The following MAGI2 variants were observed in gnomAD, a reference collection of about 807,000 sequenced individuals.
MAGI2 encodes membrane associated guanylate kinase, WW and PDZ domain containing 2, also known as membrane-associated guanylate kinase, WW and PDZ domain-containing protein 2.
A neutral mutation model predicts 133.3 loss-of-function variants in MAGI2; 35 were observed. The observed-to-expected ratio is 0.26, with a 90% CI of 0.20 to 0.35. MAGI2 has a LOEUF of 0.35. Among genes scored for constraint, MAGI2 ranks in the 10% least tolerant of loss-of-function variants. MAGI2 has a pLI of 1.00. For missense variants in MAGI2, 1,636 were observed against 1,863.4 expected (o/e 0.88, Z 2.25); for synonymous variants, 729 against 710.6 (o/e 1.03, Z -0.41).
chr7:78,399,314 A>G lies in MAGI2; in HGVS notation c.1046-30101T>C, dbSNP rs146525059. Among the ~76,000 whole-genome samples the G allele has an allele frequency of 8.8e-3, 1,341 of 152,340 alleles. 19 individuals are homozygous for G. The highest frequency in any genetic ancestry group is 0.013 in the Non-Finnish European group (903 of 68,024). On this transcript the variant is annotated intron_variant, in intron 6 of 21. Coordinates refer to ENST00000354212, the MANE Select transcript of MAGI2 (RefSeq NM_012301.4). ...CTTTTCAACCTAATGCTATACACAC[A>G]TACAAAATGCTTAAGGTTGAAAACT...
At chr7:79,245,804 C>T (rs1832777784) in intron 1 of MAGI2, among the ~76,000 whole-genome samples, 2 of 152,174 alleles carry the variant, frequency 1.3e-5, no homozygotes, top group Non-Finnish European at 2.9e-5. Flanking sequence ...TCAGCAATTA[C>T]TCTAGGTCTT....
chr7:79,378,926 G>GTGTATA lies in MAGI2; in HGVS notation c.301+74093_301+74094insTATACA, dbSNP rs1158436636. On this transcript the variant is annotated intron_variant, in intron 1 of 21. Transcript: ENST00000354212. ...CTTTTATATATATATATGTGTGTGT[G>GTGTATA]TATATATATATATATATATATATAT... 6.9e-4 allele frequency among the ~76,000 whole-genome samples: 65 copies of GTGTATA among 94,534 alleles called. 1 individual carries two copies. Among genetic ancestry groups the GTGTATA allele is most frequent in the African/African-American group, 2.1e-3 (58 of 27,636 alleles). 62.0% of individuals were successfully genotyped at this position (94,534 alleles called of 152,430 possible). A position where few individuals can be genotyped will look rare whatever the true frequency, so the allele number is the denominator to read the frequency against.
intron 2 of MAGI2, among the ~76,000 whole-genome samples, chr7:78,723,369 G>C (rs967859619): frequency 3.9e-5 from 6 of 152,154 alleles, no homozygotes; most frequent in Non-Finnish European, 8.8e-5. Flanking sequence ...TAACACATTT[G>C]TAAGTGTGGG....
At chr7:78,699,582 C>T (rs1397687481) in intron 2 of MAGI2, among the ~76,000 whole-genome samples, 4 of 152,068 alleles carry the variant, frequency 2.6e-5, no homozygotes, top group African/African-American at 9.7e-5. Flanking sequence ...ATCTCAAATA[C>T]TTCTAGGCCC....
intron 1 of MAGI2, among the ~76,000 whole-genome samples, chr7:79,344,035 T>C (rs1841118388): frequency 6.6e-6 from 1 of 152,190 alleles, no homozygotes; most frequent in Admixed American, 6.5e-5. Flanking sequence ...TTCCTAATTT[T>C]ATAGGTAAGG....
chr7:78,814,879 C>A (rs1789422242), intron 2 of MAGI2, among the ~76,000 whole-genome samples: 1 of 152,122 alleles, frequency 6.6e-6, no homozygotes, highest in Non-Finnish European at 1.5e-5. Flanking sequence ...CATGCCATCA[C>A]ACCAGGCTCT....
At chr7:78,855,224 C>A (rs1049410570) in intron 2 of MAGI2, among the ~76,000 whole-genome samples, 1 of 151,982 alleles carries the variant, frequency 6.6e-6, no homozygotes, top group Non-Finnish European at 1.5e-5. Context: ...GTAGCTGGGA[C>A]TACAGGAACT....
chr7:78,667,741 T>C (rs1236253022), intron 2 of MAGI2, among the ~76,000 whole-genome samples: 1 of 152,098 alleles, frequency 6.6e-6, no homozygotes, highest in Admixed American at 6.6e-5. Context: ...TATGGCTGCA[T>C]AGTATTCCAT....
At chr7:78,361,223 G>A (rs1490688592) in intron 7 of MAGI2, among the ~76,000 whole-genome samples, 4 of 151,972 alleles carry the variant, frequency 2.6e-5, no homozygotes, top group Non-Finnish European at 5.9e-5. Context: ...GTGAAACCCC[G>A]TTTCTACTAA....
chr7:79,298,569 A>C (rs1411462997), intron 1 of MAGI2, among the ~76,000 whole-genome samples: 1 of 152,148 alleles, frequency 6.6e-6, no homozygotes, highest in Non-Finnish European at 1.5e-5. Flanking sequence ...GTTCATTAAC[A>C]AATATTTATT....
At chr7:78,047,587 C>T (rs1811561535) in intron 21 of MAGI2, among the ~76,000 whole-genome samples, 3 of 152,218 alleles carry the variant, frequency 2.0e-5, no homozygotes, top group South Asian at 4.1e-4. Context: ...TGTGTCTCTG[C>T]CTGATTTTCC....
At chr7:78,945,859 A>C (rs991895307) in intron 2 of MAGI2, among the ~76,000 whole-genome samples, 2 of 152,116 alleles carry the variant, frequency 1.3e-5, no homozygotes, top group African/African-American at 4.8e-5. Flanking sequence ...ATTTGACTTC[A>C]TCTTCGGGAT....
At chr7:78,403,073 C>G (rs1253648511) in intron 6 of MAGI2, among the ~76,000 whole-genome samples, 1 of 152,104 alleles carries the variant, frequency 6.6e-6, no homozygotes, top group African/African-American at 2.4e-5. Flanking sequence ...CATATGTATA[C>G]ACGTGCCGTG....
At chr7:78,619,620 C>T (rs1335974059) in intron 3 of MAGI2, among the ~76,000 whole-genome samples, 3 of 151,776 alleles carry the variant, frequency 2.0e-5, no homozygotes, top group South Asian at 2.1e-4. Context: ...TTGCATATTT[C>T]AAAAAAGCTG....
At chr7:78,757,628 C>T (rs1824087026) in intron 2 of MAGI2, among the ~76,000 whole-genome samples, 1 of 152,122 alleles carries the variant, frequency 6.6e-6, no homozygotes, top group African/African-American at 2.4e-5. Context: ...AACAGCTGCA[C>T]CTGATACAGT....
At chr7:78,517,734 T>G (rs1267027707) in intron 4 of MAGI2, among the ~76,000 whole-genome samples, 2 of 152,178 alleles carry the variant, frequency 1.3e-5, no homozygotes, top group Non-Finnish European at 1.5e-5. Context: ...GAGAAATATT[T>G]CTGTCCTGAC....
chr7:78,065,378 C>A (rs776210078), intron 21 of MAGI2, among the ~76,000 whole-genome samples: 1 of 152,106 alleles, frequency 6.6e-6, no homozygotes, highest in Non-Finnish European at 1.5e-5. Flanking sequence ...TGCTAGAATG[C>A]GGTGCATCTC....
chr7:78,769,327 T>C (rs1825347014), intron 2 of MAGI2, among the ~76,000 whole-genome samples: 1 of 152,116 alleles, frequency 6.6e-6, no homozygotes, highest in African/African-American at 2.4e-5. Flanking sequence ...TGCATGGGTC[T>C]TTCCTTAAAG....
At chr7:78,624,642 TTGGGCGGG>T (rs926067005) in intron 3 of MAGI2, among the ~76,000 whole-genome samples, 6 of 151,956 alleles carry the variant, frequency 3.9e-5, no homozygotes, top group Admixed American at 3.9e-4. Context: ...TGGGGGCCTT[TTGGGCGGG>T]TGCTGAGAAG....
Sources: allele counts gnomAD v4.1 joint callset (sites outside exome capture counted in the v4.1 genomes callset), GRCh38; gene constraint gnomAD v4.1.1; transcripts MANE v1.5; gene names NCBI Gene and HGNC (gene_info 2026-07-23, HGNC 2026-07-21).